The following THAP6 variants were observed in gnomAD, a reference collection of about 807,000 sequenced individuals.
THAP6 encodes THAP domain-containing protein 6.
Under a neutral mutation model 20.0 loss-of-function variants are expected in THAP6, and 13 were observed. That is an observed-to-expected ratio of 0.65 (90% CI 0.42 to 1.03). THAP6 has a LOEUF of 1.03. THAP6 is among the 50% of genes least tolerant of loss of function. The pLI is 0.00. For synonymous variants in THAP6, 93 were observed against 92.2 expected, an observed-to-expected ratio of 1.01 and a Z score of -0.05; for missense variants, 262 against 261.6, an observed-to-expected ratio of 1.00 and a Z score of -0.01.
At position 75,529,630 on chromosome 4, in the gene THAP6, G is replaced by A; in HGVS notation, c.*2416G>A. ...TCCCAGAGATTCCACCCTAGCCCAG[G>A]AAAGAACTGGCCTGTGTAAAGCAAA... On this transcript the variant is annotated 3_prime_UTR_variant, in exon 5 of 5. Coordinates refer to ENST00000311638, the MANE Select transcript of THAP6 (RefSeq NM_144721.6). 28 of 985,356 alleles carry A rather than the reference G, an allele frequency of 2.8e-5. No homozygotes were observed. Among genetic ancestry groups the A allele is most frequent in the South Asian group, 4.7e-5 (1 of 21,282 alleles). The allele number at this position is 985,356 out of a possible 1,614,324, so 61.0% of individuals were successfully genotyped here. A position where few individuals can be genotyped will look rare whatever the true frequency, so the allele number is the denominator to read the frequency against.
At chr4:75,546,507 C>T (rs1727130242) in intron 3 of THAP6, among the ~76,000 whole-genome samples, 1 of 152,200 alleles carries the variant, frequency 6.6e-6, no homozygotes, top group Non-Finnish European at 1.5e-5. Context: ...TATTTATTCA[C>T]TAAACCTGTC....
intron 3 of THAP6, among the ~76,000 whole-genome samples, chr4:75,546,430 C>T (rs991010425): frequency 6.6e-6 from 1 of 152,190 alleles, no homozygotes; most frequent in African/African-American, 2.4e-5. Flanking sequence ...TGTCCATGCC[C>T]CTTCATTGTC....
chr4:75,521,448 A>C (rs1169379081), intron 3 of THAP6, among the ~76,000 whole-genome samples: 1 of 152,044 alleles, frequency 6.6e-6, no homozygotes, highest in Non-Finnish European at 1.5e-5. Flanking sequence ...TTTTCTGTCT[A>C]GTCCTAACAA....
At chr4:75,515,147 A>G (rs1403667868) in intron 1 of THAP6, among the ~76,000 whole-genome samples, 1 of 152,148 alleles carries the variant, frequency 6.6e-6, no homozygotes, top group African/African-American at 2.4e-5. Context: ...GTTAGTGTGC[A>G]AAAGGCTTTG....
At chr4:75,521,476 A>G (rs946712690) in intron 3 of THAP6, among the ~76,000 whole-genome samples, 18 of 152,104 alleles carry the variant, frequency 1.2e-4, no homozygotes, top group South Asian at 2.1e-4. Context: ...CACTGTTTTA[A>G]TTATTGTTAC....
At chr4:75,514,183 A>G (rs1292200426), upstream of THAP6, 1 of 1,606,316 alleles carries the variant, frequency 6.2e-7, no homozygotes, top group African/African-American at 1.3e-5. Flanking sequence ...GGAAGAGTCC[A>G]TAGAAGGCGT....
At position 75,529,430 on chromosome 4, in the gene THAP6, C is replaced by A. The variant is rs1327158457; in HGVS notation, c.*2216C>A. 13 of 985,256 alleles carry A rather than the reference C, an allele frequency of 1.3e-5. No individual in the cohort carries two copies. Among genetic ancestry groups the A allele is most frequent in the Non-Finnish European group, 1.6e-5 (13 of 829,934 alleles). The allele number at this position is 985,256 out of a possible 1,614,324, so 61.0% of individuals were successfully genotyped here. A position where few individuals can be genotyped will look rare whatever the true frequency, so the allele number is the denominator to read the frequency against. Reference sequence around the variant, plus strand: ...TTCTTTTTCACTGGACCTAGTATAACTGAGAAATAAATAACTGTGTGCAAA... The same window carrying A: ...TTCTTTTTCACTGGACCTAGTATAAATGAGAAATAAATAACTGTGTGCAAA... On this transcript the variant is annotated 3_prime_UTR_variant, in exon 5 of 5. Coordinates refer to ENST00000311638, the MANE Select transcript of THAP6 (RefSeq NM_144721.6).
At chr4:75,537,596 G>C (rs1726899520) in intron 2 of THAP6, among the ~76,000 whole-genome samples, 2 of 152,048 alleles carry the variant, frequency 1.3e-5, no homozygotes, top group African/African-American at 2.4e-5. Flanking sequence ...ACTTTCTTTG[G>C]TAAATTGCCC....
downstream of THAP6, among the ~76,000 whole-genome samples, chr4:75,530,691 A>C (rs1177597225): frequency 6.6e-6 from 1 of 152,186 alleles, no homozygotes; most frequent in African/African-American, 2.4e-5. Context: ...TTCCATGTGA[A>C]TGTGAGCTGT....
At chr4:75,531,780 C>T (rs1578277548), downstream of THAP6, among the ~76,000 whole-genome samples, 1 of 144,366 alleles carries the variant, frequency 6.9e-6, no homozygotes, top group African/African-American at 2.6e-5. Context: ...AGAAACTCCC[C>T]TTTTTTTTTT....
Position 75,528,770 on chromosome 4 carries a change from G to C in THAP6, c.*1556G>C. 1 of 841,920 alleles carries C rather than the reference G, an allele frequency of 1.2e-6. No homozygotes were observed. The highest frequency in any genetic ancestry group is 1.4e-6 in the Non-Finnish European group (1 of 709,082). 52.2% of individuals were successfully genotyped at this position (841,920 alleles called of 1,614,324 possible). On this transcript the variant is annotated 3_prime_UTR_variant, in exon 5 of 5. Coordinates refer to ENST00000311638, the MANE Select transcript of THAP6 (RefSeq NM_144721.6). ...AAAAAGGTAGTTAAAAAAAAAAAAG[G>C]CCGGGTGGTGGCTCATACCTGTAAT...
downstream of THAP6, among the ~76,000 whole-genome samples, chr4:75,531,278 G>A (rs956945424): frequency 1.3e-5 from 2 of 152,198 alleles, no homozygotes; most frequent in Non-Finnish European, 2.9e-5. Context: ...AATCTTTAAT[G>A]AGCTTCCCTG....
upstream of THAP6, chr4:75,514,171 A>C: frequency 1.9e-6 from 3 of 1,593,246 alleles, no homozygotes; most frequent in Non-Finnish European, 2.6e-6. Flanking sequence ...GAAGCTTGTC[A>C]GGGAAGAGTC....
At chr4:75,532,965 A>AT (rs1726731966), downstream of THAP6, among the ~76,000 whole-genome samples, 1 of 152,078 alleles carries the variant, frequency 6.6e-6, no homozygotes, top group Admixed American at 6.5e-5. Flanking sequence ...CCCTGGAGAC[A>AT]TTTTCCCCAT....
intron 2 of THAP6, chr4:75,539,843 T>A (rs879083584): frequency 6.5e-7 from 1 of 1,536,032 alleles, no homozygotes. Flanking sequence ...CTTCTTTAAA[T>A]TCCATCCCAT....
intron 2 of THAP6, chr4:75,539,862 C>T: frequency 6.5e-7 from 1 of 1,535,858 alleles, no homozygotes; most frequent in South Asian, 1.2e-5. Flanking sequence ...ATCCCAGAAA[C>T]ACAGGAAAAG....
chr4:75,532,995 C>G (rs1164683110), downstream of THAP6, among the ~76,000 whole-genome samples: 2 of 152,228 alleles, frequency 1.3e-5, no homozygotes, highest in Admixed American at 6.5e-5. Context: ...GATTAACATT[C>G]AGCTCCTCAT....
chr4:75,535,479 C>T lies in THAP6; in HGVS notation c.166-6930C>T, dbSNP rs964228639. ...GGGAGTTCTGTACCTCAGAGTTCATCATCTTTTTGAACTCCCTAGCACTCA... is the reference window on the plus strand; with the variant it reads ...GGGAGTTCTGTACCTCAGAGTTCATTATCTTTTTGAACTCCCTAGCACTCA... On this transcript the variant is annotated intron_variant, in intron 2 of 4. Coordinates refer to the THAP6 transcript ENST00000502620. Among the ~76,000 whole-genome samples the T allele has an allele frequency of 1.1e-3, 166 of 152,286 alleles. 2 individuals carry two copies. The highest frequency in any genetic ancestry group is 6.2e-4 in the Non-Finnish European group (42 of 68,018).
downstream of THAP6, among the ~76,000 whole-genome samples, chr4:75,531,376 C>G: frequency 1.3e-5 from 2 of 152,314 alleles, no homozygotes. Flanking sequence ...AGAAGCTACA[C>G]CTGGTTTCCT....
Sources: allele counts gnomAD v4.1 joint callset (sites outside exome capture counted in the v4.1 genomes callset), GRCh38; gene constraint gnomAD v4.1.1; transcripts MANE v1.5; gene names NCBI Gene and HGNC (gene_info 2026-07-23, HGNC 2026-07-21).